KPNA5: variants seen among roughly 807,000 people sequenced by gnomAD.
KPNA5 encodes importin subunit alpha-6.
A neutral mutation model predicts 71.3 loss-of-function variants in KPNA5; 46 were observed. The ratio of observed to expected loss-of-function variants is 0.65; its 90% CI spans 0.51 to 0.83. The LOEUF (loss-of-function observed/expected upper bound fraction) is 0.83. Ranked by LOEUF, KPNA5 falls within the 40% of genes least tolerant of loss-of-function variation. The pLI is 0.00. For synonymous variants in KPNA5, 207 were observed against 201.4 expected (o/e 1.03, Z -0.24); for missense variants, 547 against 628.3 (o/e 0.87, Z 1.38).
rs1779659741 is a variant in KPNA5 at position 116,736,060 on chromosome 6, T to G, written c.*3737T>G. The G allele has an allele frequency of 6.6e-6, 1 of 151,802 alleles. No homozygotes were observed. The allele number at this position is 151,802 out of a possible 1,614,324, so 9.4% of individuals were successfully genotyped here. On this transcript the variant is annotated 3_prime_UTR_variant, in exon 14 of 14. Transcript: ENST00000368564. ...GGTGGCCATATAATGCATATCAAGG[T>G]GCATTTCAGAGCAAGGAATATTTAT...
In KPNA5 at chr6:116,714,701, C is replaced by T. The variant is rs115910411; in HGVS notation, c.657-1518C>T. 6.5e-3 allele frequency among the ~76,000 whole-genome samples: 993 copies of T among 152,218 alleles called. 8 individuals are homozygous for T. The highest frequency in any genetic ancestry group is 0.023 in the African/African-American group (964 of 41,532). The stretch of plus-strand genomic sequence containing the variant: ...ACTGTATCTTTTGTTGAGGTTTCAA[C>T]ATCTCATTCATTTGCCTTTTAATGT... On this transcript the variant is annotated intron_variant, in intron 7 of 13. Transcript: ENST00000368564.
intron 7 of KPNA5, among the ~76,000 whole-genome samples, chr6:116,709,722 G>T (rs1383772039): frequency 6.6e-6 from 1 of 151,016 alleles, no homozygotes; most frequent in African/African-American, 2.4e-5. Flanking sequence ...GTTAGCTATG[G>T]TTTTTGATAA....
chr6:116,731,713 T>C (rs958550051), intron 13 of KPNA5, among the ~76,000 whole-genome samples: 4 of 152,110 alleles, frequency 2.6e-5, no homozygotes, highest in African/African-American at 4.8e-5. Flanking sequence ...CAGCGTGTTT[T>C]ATTTTCTTCA....
intron 6 of KPNA5, among the ~76,000 whole-genome samples, chr6:116,703,264 T>A (rs1415208256): frequency 7.6e-6 from 1 of 132,386 alleles, no homozygotes; most frequent in Non-Finnish European, 1.6e-5. Flanking sequence ...AAAAGATAAA[T>A]TTTTTTTTTT....
intron 7 of KPNA5, among the ~76,000 whole-genome samples, chr6:116,708,640 G>A (rs780560395): frequency 5.9e-5 from 9 of 151,968 alleles, no homozygotes; most frequent in African/African-American, 1.5e-4. Context: ...TAAACAGGTC[G>A]TATACCTCTT....
intron 4 of KPNA5, among the ~76,000 whole-genome samples, chr6:116,693,571 G>T (rs1165244871): frequency 2.9e-4 from 44 of 152,066 alleles, no homozygotes; most frequent in Non-Finnish European, 4.1e-4. Context: ...TCGCCCACTT[G>T]TTGATGGGGT....
intron 2 of KPNA5, among the ~76,000 whole-genome samples, chr6:116,690,881 A>G (rs1777773669): frequency 6.6e-6 from 1 of 152,162 alleles, no homozygotes; most frequent in East Asian, 1.9e-4. Flanking sequence ...TACTTATAAT[A>G]TCTAATACAG....
At chr6:116,689,542 A>C in intron 2 of KPNA5, 89 bp downstream of exon 2, 1 of 1,112,240 alleles carries the variant, frequency 9.0e-7, no homozygotes, top group Non-Finnish European at 1.2e-6. Context: ...TGTTTTAAGA[A>C]ATTGAATATA....
rs578226579 is a variant in KPNA5, at chr6:116,733,611, A to ATG, written c.*1298_*1299dup. On this transcript the variant is annotated 3_prime_UTR_variant, in exon 14 of 14. Transcript: ENST00000368564. Reference sequence around the variant, plus strand: ...ATTATATATATATTTATACATATATATGTGTGTGTGTTACTCTCACAGTTC... The same window carrying ATG: ...ATTATATATATATTTATACATATATATGTGTGTGTGTGTTACTCTCACAGTTC... The ATG allele has an allele frequency of 6.6e-6, 1 of 151,260 alleles. No individual in the cohort carries two copies. Among genetic ancestry groups the ATG allele is most frequent in the Non-Finnish European group, 1.5e-5 (1 of 67,582 alleles). 9.4% of individuals were successfully genotyped at this position (151,260 alleles called of 1,614,324 possible). A position where few individuals can be genotyped will look rare whatever the true frequency, so the allele number is the denominator to read the frequency against.
chr6:116,719,761 G>A (rs969342269), intron 8 of KPNA5, among the ~76,000 whole-genome samples: 3 of 152,146 alleles, frequency 2.0e-5, no homozygotes, highest in East Asian at 3.9e-4. Flanking sequence ...AGATGGGGAG[G>A]ATTGCTTGAT....
intron 1 of KPNA5, among the ~76,000 whole-genome samples, chr6:116,686,859 T>C (rs1473971673): frequency 1.3e-5 from 2 of 152,156 alleles, no homozygotes; most frequent in African/African-American, 4.8e-5. Flanking sequence ...TGTGGCCTTA[T>C]TTATGGGCTA....
chr6:116,709,686 C>T (rs1243041410), intron 7 of KPNA5, among the ~76,000 whole-genome samples: 1 of 152,044 alleles, frequency 6.6e-6, no homozygotes, highest in Non-Finnish European at 1.5e-5. Context: ...AGAGTAAAAA[C>T]TAACTCTTTC....
At chr6:116,726,707 T>C (rs1208628230) in intron 12 of KPNA5, 85 bp downstream of exon 12, 4 of 1,113,524 alleles carry the variant, frequency 3.6e-6, no homozygotes, top group Non-Finnish European at 5.0e-6. Flanking sequence ...CTGATGGAAC[T>C]AAAATATTAT....
At chr6:116,723,447 G>T (rs1010140890) in intron 9 of KPNA5, among the ~76,000 whole-genome samples, 8 of 152,140 alleles carry the variant, frequency 5.3e-5, no homozygotes, top group Non-Finnish European at 1.2e-4. Context: ...AACCAAGATT[G>T]TTGGAGAAAT....
At chr6:116,695,078 G>C (rs1463479931) in intron 4 of KPNA5, among the ~76,000 whole-genome samples, 1 of 151,898 alleles carries the variant, frequency 6.6e-6, no homozygotes, top group African/African-American at 2.4e-5. Context: ...AGCTTCCTGA[G>C]TAGCTAGGAC....
At chr6:116,717,887 C>T (rs1281426415) in intron 8 of KPNA5, among the ~76,000 whole-genome samples, 1 of 136,836 alleles carries the variant, frequency 7.3e-6, no homozygotes, top group Admixed American at 6.9e-5. Context: ...AATAGTGTGC[C>T]CCCCCCACCG....
chr6:116,725,596 G>A (rs777677185), intron 10 of KPNA5, among the ~76,000 whole-genome samples, 155 bp from the exon 11 acceptor site: 5 of 152,226 alleles, frequency 3.3e-5, no homozygotes, highest in South Asian at 4.1e-4. Flanking sequence ...AATAGCAGAC[G>A]TGTAGAAGAC....
intron 4 of KPNA5, among the ~76,000 whole-genome samples, chr6:116,698,237 C>T (rs78226243): frequency 0.053 from 8,005 of 151,902 alleles, 603 homozygotes; most frequent in African/African-American, 0.17. Flanking sequence ...GTAGACAGTC[C>T]GTTAACATTT....
Position 116,689,408 on chromosome 6 carries a change from A to C in KPNA5, c.93A>C (p.Arg31Ser). 1 of 1,608,946 alleles carries C rather than the reference A, an allele frequency of 6.2e-7. No individual in the cohort carries two copies. Among genetic ancestry groups the C allele is most frequent in the East Asian group, 2.2e-5 (1 of 44,596 alleles). Reference sequence around the variant, plus strand: ...ATCCTCAAGAGATGCGTAGACGAAGAGAAGAAGAAGGAATACAGCTTAGAA... The same window carrying C: ...ATCCTCAAGAGATGCGTAGACGAAGCGAAGAAGAAGGAATACAGCTTAGAA... Reference protein sequence around the residue: ...ALNPQEMRRRREEEGIQLRKQ... With the variant: ...ALNPQEMRRRSEEEGIQLRKQ... The change falls in exon 2 of 14, where the codon AGA becomes AGC. Residue 31 changes from arginine to serine, a missense_variant. Physicochemically the swap from Arg to Ser is moderately radical, Grantham distance 110 (BLOSUM62 -1). Coordinates refer to ENST00000368564, the MANE Select transcript of KPNA5 (RefSeq NM_001366306.2).
Sources: allele counts gnomAD v4.1 joint callset (sites outside exome capture counted in the v4.1 genomes callset), GRCh38; gene constraint gnomAD v4.1.1; transcripts MANE v1.5; gene names NCBI Gene and HGNC (gene_info 2026-07-23, HGNC 2026-07-21).